The following ITIH4 variants were observed in gnomAD, a reference collection of about 807,000 sequenced individuals.
The protein encoded by ITIH4 is inter-alpha-trypsin inhibitor heavy chain H4.
A neutral mutation model predicts 111.8 loss-of-function variants in ITIH4; 79 were observed. The ratio of observed to expected loss-of-function variants is 0.71; its 90% CI spans 0.59 to 0.85. ITIH4 has a LOEUF of 0.85. ITIH4 is among the 40% of genes least tolerant of loss of function. The pLI is 0.00. For synonymous variants in ITIH4, 472 were observed against 468.3 expected (o/e 1.01, Z -0.10); for missense variants, 1,065 against 1,195.8 (o/e 0.89, Z 1.61).
chr3:52,827,285 G>T, intron 2 of ITIH4, 88 bp from the exon 3 acceptor site: 1 of 1,043,678 alleles, frequency 9.6e-7, no homozygotes. Context: ...TTCTGGACTC[G>T]GTGTGCCTCT....
chr3:52,820,908 C>A, intron 12 of ITIH4, 83 bp downstream of exon 12: 1 of 1,557,350 alleles, frequency 6.4e-7, no homozygotes. Context: ...CCAAGACCCC[C>A]CTCTCTCCAT....
At position 52,813,409 on chromosome 3, in the gene ITIH4, C is replaced by T. The variant is rs1244737458; in HGVS notation, c.*12G>A. On this transcript the variant is annotated 3_prime_UTR_variant, in exon 24 of 24. Transcript: ENST00000266041. ...CAAGTGTACAGGGTGGGCACAGCTC[C>T]TTCCATCAGAACTACAGCTCCACAG... 1 of 1,613,782 alleles carries T rather than the reference C, an allele frequency of 6.2e-7. No individual in the cohort carries two copies.
intron 1 of ITIH4, chr3:52,830,265 T>A (rs1209079074): frequency 2.1e-6 from 1 of 472,774 alleles, no homozygotes; most frequent in Non-Finnish European, 4.1e-6. Context: ...ATAGTCAGCA[T>A]AAATCATTCT....
At chr3:52,830,399 G>T in intron 1 of ITIH4, 154 bp downstream of exon 1, 2 of 752,532 alleles carry the variant, frequency 2.7e-6, no homozygotes, top group Non-Finnish European at 4.9e-6. Context: ...AGGCCCTTGG[G>T]GTAGTGCCTG....
Position 52,826,944 on chromosome 3 carries a change from C to T in ITIH4, c.366G>A (p.Gly122=). The T allele has an allele frequency of 6.2e-7, 1 of 1,614,068 alleles. No individual in the cohort carries two copies. Among genetic ancestry groups the T allele is most frequent in the Middle Eastern group, 1.6e-4 (1 of 6,062 alleles). ...ACACCTGGAACTGCTCCATGTTTCT[C>T]CCGGTGGCCCTGGGGGAGAAGGGCA... ...GKSAGLVKAT[G]RNMEQFQVSV... is the part of the protein sequence containing the mutation. Residue 122 remains glycine, a synonymous_variant, in exon 4 of 24, where the codon GGG becomes GGA. Coordinates refer to ENST00000266041, the MANE Select transcript of ITIH4 (RefSeq NM_002218.5).
intron 2 of ITIH4, among the ~76,000 whole-genome samples, chr3:52,828,654 C>A (rs947070985): frequency 8.5e-5 from 13 of 152,172 alleles, no homozygotes; most frequent in African/African-American, 2.9e-4. Flanking sequence ...GCATCTCTCA[C>A]GCAGCCTGAG....
intron 17 of ITIH4, 111 bp downstream of exon 17, chr3:52,819,282 C>G: frequency 2.4e-6 from 3 of 1,249,996 alleles, no homozygotes; most frequent in Non-Finnish European, 3.4e-6. Flanking sequence ...CCTCAGCAGC[C>G]GTCCCTGGCC....
chr3:52,822,619 G>A (rs1379380135), intron 11 of ITIH4, among the ~76,000 whole-genome samples: 1 of 152,182 alleles, frequency 6.6e-6, no homozygotes, highest in African/African-American at 2.4e-5. Flanking sequence ...AGTAGATGGA[G>A]GTTAAGTGAC....
In ITIH4 at chr3:52,829,097, AGGAGGGTGGG is replaced by A; in HGVS notation, c.251+12_251+21del. On this transcript the variant is annotated intron_variant, in intron 2 of 23. Coordinates refer to ENST00000266041, the MANE Select transcript of ITIH4 (RefSeq NM_002218.5). ...TAGCACTGGGGGGTGTGGAGAGGGGAGGAGGGTGGGAAGGCACCTACATGGAGAAGTTGGT... is the reference window on the plus strand; with the variant it reads ...TAGCACTGGGGGGTGTGGAGAGGGGAAAGGCACCTACATGGAGAAGTTGGT... The A allele has an allele frequency of 8.8e-7, 1 of 1,130,946 alleles. No individual in the cohort carries two copies. Among genetic ancestry groups the A allele is most frequent in the Non-Finnish European group, 1.3e-6 (1 of 796,940 alleles). The allele number at this position is 1,130,946 out of a possible 1,614,324, so 70.1% of individuals were successfully genotyped here.
At chr3:52,826,180 G>A (rs1700477091) in intron 5 of ITIH4, among the ~76,000 whole-genome samples, 166 bp from the exon 6 acceptor site, 2 of 152,188 alleles carry the variant, frequency 1.3e-5, no homozygotes, top group African/African-American at 2.4e-5. Flanking sequence ...CCACTTTCAC[G>A]TAGGGGAGGG....
chr3:52,826,922 C>G lies in ITIH4; in HGVS notation c.388G>C (p.Val130Leu). Residue 130 changes from valine (V) to leucine (L), a missense_variant, in exon 4 of 24, where the codon GTG becomes CTG. By Grantham distance (32) the Val-to-Leu change is conservative. Coordinates refer to ENST00000266041, the MANE Select transcript of ITIH4 (RefSeq NM_002218.5). ...ATGRNMEQFQ[V>L]SVSVAPNAKI... ...GCATTGGGAGCCACACTGACCGACA[C>G]CTGGAACTGCTCCATGTTTCTCCCG... The G allele has an allele frequency of 6.2e-7, 1 of 1,614,116 alleles. No homozygotes were observed. The highest frequency in any genetic ancestry group is 8.5e-7 in the Non-Finnish European group (1 of 1,180,028).
intron 11 of ITIH4, 111 bp downstream of exon 11, chr3:52,823,445 G>T: frequency 1.2e-6 from 1 of 825,876 alleles, no homozygotes. Context: ...TCATCCACAG[G>T]CAGCAGAGGG....
At chr3:52,817,883 G>T (rs1011087620) in intron 20 of ITIH4, among the ~76,000 whole-genome samples, 169 bp downstream of exon 20, 1 of 152,262 alleles carries the variant, frequency 6.6e-6, no homozygotes, top group Non-Finnish European at 1.5e-5. Context: ...GAAGGTCCCC[G>T]GGGTGTCTGT....
At position 52,814,315 on chromosome 3, in the gene ITIH4, T is replaced by C. The variant is rs529775134; in HGVS notation, c.2520A>G (p.Pro840=). 1.2e-6 allele frequency: 2 copies of C among 1,614,064 alleles called. No individual in the cohort carries two copies. Among genetic ancestry groups the C allele is most frequent in the East Asian group, 2.2e-5 (1 of 44,878 alleles). Residue 840 remains proline, a synonymous_variant, in exon 22 of 24, where the codon CCA becomes CCG. Transcript: ENST00000266041. The part of the protein sequence containing the change: ...DKTGLLLLSD[P]DKVTIGLLFW... Reference sequence around the variant, plus strand: ...ACAACAGGCCGATGGTCACTTTGTCTGGGTCACTGAGCAGCAGGAGACCCG... The same window carrying C: ...ACAACAGGCCGATGGTCACTTTGTCCGGGTCACTGAGCAGCAGGAGACCCG...
rs1014510961 is a variant in ITIH4, at chr3:52,823,536, G to A, written c.1539+20C>T. 3.2e-6 allele frequency: 5 copies of A among 1,576,998 alleles called. No individual in the cohort carries two copies. Among genetic ancestry groups the A allele is most frequent in the Non-Finnish European group, 2.6e-6 (3 of 1,159,198 alleles). On this transcript the variant is annotated intron_variant, in intron 11 of 23. Coordinates refer to ENST00000266041, the MANE Select transcript of ITIH4 (RefSeq NM_002218.5). ...GTGGAGGCTGCCATTCCCCTCCAGGGTGGCTTTGGCCACACTCACCAGCTT... is the reference window on the plus strand; with the variant it reads ...GTGGAGGCTGCCATTCCCCTCCAGGATGGCTTTGGCCACACTCACCAGCTT...
At chr3:52,830,359 T>C (rs755568900) in intron 1 of ITIH4, 194 bp downstream of exon 1, 1 of 685,228 alleles carries the variant, frequency 1.5e-6, no homozygotes, top group Non-Finnish European at 2.7e-6. Context: ...GATTGGATCA[T>C]CCCCTCTATT....
rs1051010553 is a variant in ITIH4 at position 52,816,938 on chromosome 3, T to G, written c.2417A>C (p.Asn806Thr). ...CCACTTGTACGCAGAGCTTCTTCGG[T>G]TCCGAGTCACCACCACGTGTTCAGG... ...ASPEHVVVTR[N>T]RRSSAYKWKE... The change falls in exon 21 of 24, where the codon AAC (asparagine) becomes ACC (threonine). Residue 806 changes from asparagine (N) to threonine (T), a missense_variant. By Grantham distance (65) the Asn-to-Thr change is moderately conservative. Transcript: ENST00000266041. 4 of 1,613,948 alleles carry G rather than the reference T, an allele frequency of 2.5e-6. No homozygotes were observed. In the African/African-American group the frequency reaches 5.3e-5, roughly 22 times the overall value.
Position 52,823,640 on chromosome 3 carries a change from G to C in ITIH4, c.1455C>G (p.Leu485=), listed in dbSNP as rs1700431545. 1.2e-6 allele frequency: 2 copies of C among 1,614,220 alleles called. No individual in the cohort carries two copies. The highest frequency in any genetic ancestry group is 4.5e-5 in the East Asian group (2 of 44,878). ...EEVTQNNFRL[L]FKGSEMVVAG... ...CCACCACCATCTCTGAGCCCTTGAA[G>C]AGGAGCCGGAAGTTGTTCTGAGTGA... The change falls in exon 11 of 24, where the codon CTC becomes CTG. Residue 485 remains leucine, a synonymous_variant. Transcript: ENST00000266041.
intron 11 of ITIH4, among the ~76,000 whole-genome samples, chr3:52,821,905 C>A (rs1700388404): frequency 6.6e-6 from 1 of 152,206 alleles, no homozygotes; most frequent in Admixed American, 6.5e-5. Context: ...TCGCCCAGAG[C>A]CTGGCTGGCT....
Sources: gnomAD v4.1 joint callset for allele counts (sites outside exome capture counted in the v4.1 genomes callset) on GRCh38, gnomAD v4.1.1 for gene constraint, MANE v1.5 for transcripts, NCBI Gene and HGNC (gene_info 2026-07-23, HGNC 2026-07-21) for gene names.